Variants in GCNT1 observed in about 807,000 individuals in gnomAD.
GCNT1 encodes the protein beta-1,3-galactosyl-O-glycosyl-glycoprotein beta-1,6-N-acetylglucosaminyltransferase.
In GCNT1, 16 loss-of-function variants were observed where a neutral mutation model predicts 26.2. That is an observed-to-expected ratio of 0.61 (90% CI 0.41 to 0.93). GCNT1 has a LOEUF of 0.93. GCNT1 is among the 40% of genes least tolerant of loss of function. The pLI is 0.00. For missense variants in GCNT1, 477 were observed against 526.7 expected (o/e 0.91, Z 0.92); for synonymous variants, 183 against 190.8 (o/e 0.96, Z 0.34).
the GCNT1 span, among the ~76,000 whole-genome samples, chr9:76,396,566 G>T: frequency 6.6e-6 from 1 of 152,220 alleles, no homozygotes; most frequent in Non-Finnish European, 1.5e-5. Context: ...CCAGGGCCTG[G>T]CACAGTGGCT....
chr9:76,422,664 C>A (rs1220217268), intron 1 of GCNT1, among the ~76,000 whole-genome samples: 1 of 152,128 alleles, frequency 6.6e-6, no homozygotes, highest in African/African-American at 2.4e-5. Flanking sequence ...GTGATCCTCC[C>A]ACCTCAGCCT....
rs562196167 is a variant in GCNT1 at position 76,434,978 on chromosome 9, C to G, written n.38+15091C>G. Among the ~76,000 whole-genome samples, 3 of 152,256 alleles carry G rather than the reference C, an allele frequency of 2.0e-5. No individual in the cohort carries two copies. In the South Asian group the frequency reaches 6.2e-4, roughly 32 times the overall value. The stretch of plus-strand genomic sequence containing the variant: ...TGAGGTCAGACCAGTTCTCTGCTCT[C>G]GAACCATGTTTTCTGTTGTTTAAGA... On this transcript the variant is annotated intron_variant and non_coding_transcript_variant, in intron 1 of 3. Transcript: ENST00000488136.
At chr9:76,396,392 C>A in the GCNT1 span, among the ~76,000 whole-genome samples, 1 of 150,566 alleles carries the variant, frequency 6.6e-6, no homozygotes, top group Non-Finnish European at 1.5e-5. Context: ...GAGTTCAAGA[C>A]CAGCCTGGGC....
At chr9:76,421,994 G>T (rs1028104451) in intron 1 of GCNT1, among the ~76,000 whole-genome samples, 2 of 152,054 alleles carry the variant, frequency 1.3e-5, no homozygotes, top group Admixed American at 6.6e-5. Context: ...GCATGGCTGG[G>T]GAGGCCTCAG....
chr9:76,454,043 G>A (rs2131588856), intron 1 of GCNT1, among the ~76,000 whole-genome samples: 1 of 152,260 alleles, frequency 6.6e-6, no homozygotes. Context: ...AGGTCAGGCA[G>A]AAAAGGGTTT....
intron 2 of GCNT1, among the ~76,000 whole-genome samples, chr9:76,471,703 G>A (rs1824136572): frequency 6.6e-6 from 1 of 152,144 alleles, no homozygotes; most frequent in Non-Finnish European, 1.5e-5. Flanking sequence ...CCATTTTGAG[G>A]CATGTCCTCT....
upstream of GCNT1, among the ~76,000 whole-genome samples, chr9:76,456,356 A>G (rs1269644279): frequency 1.3e-5 from 2 of 152,166 alleles, no homozygotes; most frequent in Non-Finnish European, 2.9e-5. Flanking sequence ...CTTCAGAGAT[A>G]AAAGCACCAG....
At chr9:76,394,006 G>T in the GCNT1 span, 1 of 1,337,728 alleles carries the variant, frequency 7.5e-7, no homozygotes, top group South Asian at 1.3e-5. Flanking sequence ...GAGGCCCCAC[G>T]CCCCGGTCCC....
At chr9:76,441,146 G>A (rs1823479145), upstream of GCNT1, among the ~76,000 whole-genome samples, 1 of 151,760 alleles carries the variant, frequency 6.6e-6, no homozygotes. Flanking sequence ...CTAGGCATCA[G>A]GATTTTTGTT....
At chr9:76,447,013 G>T (rs1321472695) in intron 1 of GCNT1, among the ~76,000 whole-genome samples, 1 of 151,612 alleles carries the variant, frequency 6.6e-6, no homozygotes, top group Non-Finnish European at 1.5e-5. Context: ...AAATTAACTG[G>T]GCATGGTAGC....
chr9:76,398,758 A>C, the GCNT1 span: 1 of 1,250,354 alleles, frequency 8.0e-7, no homozygotes, highest in Non-Finnish European at 1.2e-6. Context: ...AGTTCCTTGC[A>C]GCAGGAACCC....
intron 1 of GCNT1, among the ~76,000 whole-genome samples, chr9:76,445,789 A>T (rs186425071): frequency 6.6e-6 from 1 of 152,030 alleles, no homozygotes; most frequent in Non-Finnish European, 1.5e-5. Context: ...AGCCTGGACA[A>T]CATGGTGAGA....
At chr9:76,449,368 A>G (rs1383498394) in intron 1 of GCNT1, among the ~76,000 whole-genome samples, 1 of 152,202 alleles carries the variant, frequency 6.6e-6, no homozygotes, top group African/African-American at 2.4e-5. Context: ...AGAATGTGCC[A>G]CCTCAAAACA....
intron 2 of GCNT1, among the ~76,000 whole-genome samples, chr9:76,475,000 G>C (rs573084210): frequency 6.6e-6 from 1 of 152,152 alleles, no homozygotes; most frequent in Non-Finnish European, 1.5e-5. Flanking sequence ...GCAGTGGCAC[G>C]ATCTCGGTTC....
chr9:76,398,044 G>GT, the GCNT1 span, among the ~76,000 whole-genome samples: 1 of 152,128 alleles, frequency 6.6e-6, no homozygotes, highest in African/African-American at 2.4e-5. Flanking sequence ...TCTAAAACGT[G>GT]TTTTTTATTT....
chr9:76,494,044 A>C lies in GCNT1; in HGVS notation c.-289-6872A>C, dbSNP rs1347346806. On this transcript the variant is annotated intron_variant, in intron 2 of 3. Coordinates refer to ENST00000376730, the MANE Select transcript of GCNT1 (RefSeq NM_001490.5). ...CTGAGTGTTTCCCATCTGAAAGAAA[A>C]AACCACCCGCGGTTTTGGTTTGTTC... Among the ~76,000 whole-genome samples the C allele has an allele frequency of 2.6e-5, 4 of 152,080 alleles. No homozygotes were observed. The East Asian group carries it at 7.7e-4, about 29-fold the overall frequency.
chr9:76,461,596 C>A (rs1823871767), intron 2 of GCNT1, among the ~76,000 whole-genome samples: 1 of 148,432 alleles, frequency 6.7e-6, no homozygotes, highest in Admixed American at 6.7e-5. Flanking sequence ...AAAAAAAACA[C>A]ACACAAAGAG....
chr9:76,406,461 C>T, the GCNT1 span, among the ~76,000 whole-genome samples: 2 of 148,108 alleles, frequency 1.4e-5, no homozygotes, highest in East Asian at 4.0e-4. Flanking sequence ...TGTGCCACTG[C>T]ACTCCAGCCT....
chr9:76,500,012 G>T (rs1417651471), intron 2 of GCNT1, among the ~76,000 whole-genome samples: 1 of 152,076 alleles, frequency 6.6e-6, no homozygotes, highest in Non-Finnish European at 1.5e-5. Flanking sequence ...ATATTTATAA[G>T]AGCTGATTTC....
Sources: allele counts gnomAD v4.1 joint callset (sites outside exome capture counted in the v4.1 genomes callset), GRCh38; gene constraint gnomAD v4.1.1; transcripts MANE v1.5; gene names NCBI Gene and HGNC (gene_info 2026-07-23, HGNC 2026-07-21).